ALDH1A2: variants seen among roughly 807,000 people sequenced by gnomAD.
ALDH1A2 encodes aldehyde dehydrogenase 1 family member A2.
A neutral mutation model predicts 60.3 loss-of-function variants in ALDH1A2; 27 were observed. The ratio of observed to expected loss-of-function variants is 0.45; its 90% CI spans 0.33 to 0.62. The LOEUF is 0.62. ALDH1A2 is among the 20% of genes least tolerant of loss of function. ALDH1A2 has a pLI of 0.02. For synonymous variants in ALDH1A2, 289 were observed against 232.4 expected, an observed-to-expected ratio of 1.24 and a Z score of -2.21; for missense variants, 581 against 643.8, an observed-to-expected ratio of 0.90 and a Z score of 1.06.
chr15:57,991,118 G>GGACTT (rs1171549477), intron 7 of ALDH1A2, among the ~76,000 whole-genome samples: 5 of 152,220 alleles, frequency 3.3e-5, no homozygotes, highest in Non-Finnish European at 5.9e-5. Context: ...AGTGAAGTAA[G>GGACTT]GACTTAAGAA....
In ALDH1A2 at chr15:58,061,595, C is replaced by CAAAAAA. The variant is rs879500544; in HGVS notation, c.117+3933_117+3938dup. ...ATATAAAGATTTAAACTCCTTCCCT[C>CAAAAAA]AAAAAAAAAAAAAACAAAAAAAAAA... On this transcript the variant is annotated intron_variant, in intron 1 of 12. Transcript: ENST00000249750. 7.6e-3 allele frequency among the ~76,000 whole-genome samples: 328 copies of CAAAAAA among 43,150 alleles called. 24 individuals are homozygous for CAAAAAA. Among genetic ancestry groups the CAAAAAA allele is most frequent in the Non-Finnish European group, 9.5e-3 (191 of 20,088 alleles). The allele number at this position is 43,150 out of a possible 152,430, so 28.3% of individuals were successfully genotyped here. A position where few individuals can be genotyped will look rare whatever the true frequency, so the allele number is the denominator to read the frequency against.
rs1044448947 is a variant in ALDH1A2, at chr15:58,042,058, G to A, written c.117+23476C>T. Among the ~76,000 whole-genome samples, 4 of 151,850 alleles carry A rather than the reference G, an allele frequency of 2.6e-5. 1 individual carries two copies. Among genetic ancestry groups the A allele is most frequent in the African/African-American group, 9.7e-5 (4 of 41,348 alleles). ...AGGATTTGAACATATGATTTTTGGC[G>A]AGACACAAACATTCAGACTGTAGAA... is the stretch of plus-strand genomic sequence containing the variant. On this transcript the variant is annotated intron_variant, in intron 1 of 12. Transcript: ENST00000249750.
chr15:58,044,137 T>C (rs1343891094), intron 1 of ALDH1A2, among the ~76,000 whole-genome samples: 4 of 152,054 alleles, frequency 2.6e-5, no homozygotes, highest in African/African-American at 9.7e-5. Context: ...TTGCTGCATC[T>C]CTATCATGAT....
At chr15:58,002,083 AC>A (rs1174615676) in intron 4 of ALDH1A2, among the ~76,000 whole-genome samples, 1 of 151,904 alleles carries the variant, frequency 6.6e-6, no homozygotes, top group Non-Finnish European at 1.5e-5. Context: ...GTCAGAGGTA[AC>A]TTTTCTGATG....
chr15:58,020,257 T>C (rs1362620699), intron 1 of ALDH1A2, among the ~76,000 whole-genome samples: 2 of 152,246 alleles, frequency 1.3e-5, no homozygotes, highest in Non-Finnish European at 2.9e-5. Context: ...CCTTTGCTAT[T>C]GTGAATAGTG....
chr15:58,007,850 T>C lies in ALDH1A2; in HGVS notation c.493+2799A>G, dbSNP rs118115467. Among the ~76,000 whole-genome samples, 347 of 150,408 alleles carry C rather than the reference T, an allele frequency of 2.3e-3. 6 individuals carry two copies. The highest frequency in any genetic ancestry group is 0.016 in the East Asian group (81 of 5,122). ...ACAAAATGAAGCTGATGTTAAATTA[T>C]GGAGTTACAAAAGACAAATACAAAT... On this transcript the variant is annotated intron_variant, in intron 4 of 12. Coordinates refer to ENST00000249750, the MANE Select transcript of ALDH1A2 (RefSeq NM_003888.4).
At chr15:57,978,555 G>A (rs188905028) in intron 7 of ALDH1A2, among the ~76,000 whole-genome samples, 8 of 152,300 alleles carry the variant, frequency 5.3e-5, no homozygotes, top group Middle Eastern at 3.4e-3. Context: ...TGGTGGATAA[G>A]ATTTTTTTTT....
intron 4 of ALDH1A2, among the ~76,000 whole-genome samples, chr15:58,004,719 G>GTGTA (rs58660133): frequency 1.2e-4 from 13 of 112,948 alleles, no homozygotes; most frequent in South Asian, 4.6e-4. Context: ...GTGTGTGTGT[G>GTGTA]TATATATATA....
chr15:58,010,495 C>T (rs1244096232), intron 4 of ALDH1A2, among the ~76,000 whole-genome samples, 154 bp downstream of exon 4: 5 of 152,196 alleles, frequency 3.3e-5, no homozygotes, highest in African/African-American at 1.2e-4. Context: ...TTGTCAGAGT[C>T]AGTGACATAA....
chr15:57,972,380 C>T (rs528359350), intron 7 of ALDH1A2, among the ~76,000 whole-genome samples: 1 of 152,258 alleles, frequency 6.6e-6, no homozygotes, highest in East Asian at 1.9e-4. Context: ...CTTAGCCATC[C>T]TTTTGTTACA....
intron 1 of ALDH1A2, among the ~76,000 whole-genome samples, chr15:58,023,178 A>G (rs1895980683): frequency 6.6e-6 from 1 of 152,242 alleles, no homozygotes; most frequent in South Asian, 2.1e-4. Context: ...CTGGAACAGA[A>G]TAATTCATTG....
At chr15:58,043,728 C>A (rs958151742) in intron 1 of ALDH1A2, among the ~76,000 whole-genome samples, 3 of 151,728 alleles carry the variant, frequency 2.0e-5, no homozygotes, top group African/African-American at 4.8e-5. Flanking sequence ...TCCCTCCCTG[C>A]CAAAAAACGG....
intron 1 of ALDH1A2, among the ~76,000 whole-genome samples, chr15:58,043,350 C>T (rs976652845): frequency 2.0e-5 from 3 of 151,972 alleles, no homozygotes; most frequent in African/African-American, 4.8e-5. Context: ...CCTTACAACC[C>T]TTGAGTTCTA....
chr15:58,023,697 C>G (rs1399650593), intron 1 of ALDH1A2, among the ~76,000 whole-genome samples: 1 of 146,786 alleles, frequency 6.8e-6, no homozygotes, highest in Non-Finnish European at 1.5e-5. Context: ...AATATTATCT[C>G]TAGCAAAATT....
At chr15:58,065,250 G>C (rs1012041098) in intron 1 of ALDH1A2, 87 of 450,702 alleles carry the variant, frequency 1.9e-4, no homozygotes, top group Non-Finnish European at 3.1e-4. Flanking sequence ...GGGAGAATCG[G>C]ACAGAAACCA....
intron 1 of ALDH1A2, among the ~76,000 whole-genome samples, chr15:58,061,195 T>C (rs1897024079): frequency 6.6e-6 from 1 of 152,096 alleles, no homozygotes; most frequent in African/African-American, 2.4e-5. Context: ...CTAATTCAAG[T>C]CCTGTGATGA....
At chr15:58,012,775 T>C (rs955097974) in intron 3 of ALDH1A2, among the ~76,000 whole-genome samples, 3 of 152,036 alleles carry the variant, frequency 2.0e-5, no homozygotes, top group Admixed American at 2.0e-4. Flanking sequence ...AGAACTATGG[T>C]AGGAGGGACA....
Position 57,955,044 on chromosome 15 carries a change from AG to A in ALDH1A2, c.*152del. Reference sequence around the variant, plus strand: ...AAACTGTACCCAGCTGGTTTGCTTTAGTTGTGCAGTGACCTGCCTGGCCTAC... The same window carrying A: ...AAACTGTACCCAGCTGGTTTGCTTTATTGTGCAGTGACCTGCCTGGCCTAC... On this transcript the variant is annotated 3_prime_UTR_variant, in exon 13 of 13. Coordinates refer to ENST00000249750, the MANE Select transcript of ALDH1A2 (RefSeq NM_003888.4). The A allele has an allele frequency of 1.2e-6, 1 of 845,198 alleles. No individual in the cohort carries two copies. The highest frequency in any genetic ancestry group is 1.4e-5 in the South Asian group (1 of 73,130). The allele number at this position is 845,198 out of a possible 1,614,324, so 52.4% of individuals were successfully genotyped here.
intron 4 of ALDH1A2, among the ~76,000 whole-genome samples, chr15:58,009,019 A>C (rs1171177268): frequency 6.6e-6 from 1 of 152,112 alleles, no homozygotes; most frequent in Non-Finnish European, 1.5e-5. Flanking sequence ...TGAACAAGGG[A>C]AAAACCTCTA....
Sources: gnomAD v4.1 joint callset for allele counts (sites outside exome capture counted in the v4.1 genomes callset) on GRCh38, gnomAD v4.1.1 for gene constraint, MANE v1.5 for transcripts, NCBI Gene and HGNC (gene_info 2026-07-23, HGNC 2026-07-21) for gene names.